The following USP34 variants were observed in gnomAD, a reference collection of about 807,000 sequenced individuals.
USP34 encodes ubiquitin specific peptidase 34.
A neutral mutation model predicts 460.3 loss-of-function variants in USP34; 70 were observed. That is an observed-to-expected ratio of 0.15 (90% CI 0.13 to 0.19). The LOEUF (loss-of-function observed/expected upper bound fraction) is 0.19. Ranked by LOEUF, USP34 falls within the 10% of genes least tolerant of loss-of-function variation. The pLI is 1.00. For missense variants in USP34, 3,985 were observed against 4,236.2 expected, an observed-to-expected ratio of 0.94 and a Z score of 1.65; for synonymous variants, 1,647 against 1,405.3, an observed-to-expected ratio of 1.17 and a Z score of -3.85.
intron 2 of USP34, among the ~76,000 whole-genome samples, chr2:61,417,699 T>A (rs895617689): frequency 6.7e-6 from 1 of 149,734 alleles, no homozygotes; most frequent in Non-Finnish European, 1.5e-5. Flanking sequence ...AGAAAAAATA[T>A]ATATATAAAA....
chr2:61,193,539 CAG>C (rs1324420960), intron 75 of USP34, among the ~76,000 whole-genome samples: 2 of 152,072 alleles, frequency 1.3e-5, no homozygotes, highest in Non-Finnish European at 2.9e-5. Context: ...GGCACTATGT[CAG>C]AGAGTGCTAT....
At chr2:61,212,252 TCAA>T (rs1474858869) in intron 68 of USP34, among the ~76,000 whole-genome samples, 1 of 152,052 alleles carries the variant, frequency 6.6e-6, no homozygotes, top group African/African-American at 2.4e-5. Context: ...CTAAAAGAAC[TCAA>T]CAAATCTTAA....
chr2:61,448,972 T>C (rs1262944401), intron 1 of USP34, among the ~76,000 whole-genome samples: 1 of 151,970 alleles, frequency 6.6e-6, no homozygotes, highest in Non-Finnish European at 1.5e-5. Context: ...CTGGCCAACA[T>C]GGAAAAACCT....
At chr2:61,276,415 ATTT>A (rs1689374117) in intron 41 of USP34, among the ~76,000 whole-genome samples, 2 of 152,070 alleles carry the variant, frequency 1.3e-5, no homozygotes, top group South Asian at 4.1e-4. Context: ...TAATGTACTC[ATTT>A]TTTAGTGAAA....
At chr2:61,235,332 T>C (rs1164374660) in intron 57 of USP34, among the ~76,000 whole-genome samples, 33 of 147,450 alleles carry the variant, frequency 2.2e-4, no homozygotes, top group African/African-American at 8.2e-4. Context: ...TTTTTTCTTT[T>C]TTTTTTTTTT....
At chr2:61,280,491 C>G in intron 38 of USP34, 143 bp from the exon 39 acceptor site, 1 of 399,370 alleles carries the variant, frequency 2.5e-6, no homozygotes, top group East Asian at 4.1e-5. Context: ...GGAGTACACG[C>G]TTAGTTTCTG....
chr2:61,459,600 C>A (rs1411051838), intron 1 of USP34, among the ~76,000 whole-genome samples: 1 of 151,938 alleles, frequency 6.6e-6, no homozygotes, highest in Non-Finnish European at 1.5e-5. Context: ...CACGGTGAAA[C>A]CCCGTCTCTA....
chr2:61,288,868 C>A lies in USP34; in HGVS notation c.4558G>T (p.Asp1520Tyr), dbSNP rs1283244890. The change falls in exon 34 of 80, where the codon GAC becomes TAC. Residue 1520 changes from aspartate (D) to tyrosine (Y), a missense_variant. Asp to Tyr is a radical substitution (Grantham distance 160). Transcript: ENST00000398571. ...EQESWTVWQL[D>Y]CLACLLKLIC... Reference sequence around the variant, plus strand: ...AACTTCAGCAAGCAAGCAAGACAGTCTAGCTGCCACTGTAAATGAGAAGAA... The same window carrying A: ...AACTTCAGCAAGCAAGCAAGACAGTATAGCTGCCACTGTAAATGAGAAGAA... The A allele has an allele frequency of 1.2e-6, 2 of 1,612,522 alleles. No individual in the cohort carries two copies. Among genetic ancestry groups the A allele is most frequent in the Non-Finnish European group, 8.5e-7 (1 of 1,179,860 alleles).
chr2:61,218,674 G>C (rs982943175), intron 67 of USP34, among the ~76,000 whole-genome samples: 2 of 151,468 alleles, frequency 1.3e-5, no homozygotes, highest in Non-Finnish European at 2.9e-5. Flanking sequence ...GATTTTCCTT[G>C]TTTCTAATGA....
At chr2:61,312,803 CA>C (rs1690634975) in intron 25 of USP34, among the ~76,000 whole-genome samples, 2 of 152,172 alleles carry the variant, frequency 1.3e-5, no homozygotes, top group African/African-American at 4.8e-5. Context: ...ATACCAATAA[CA>C]TGCTCTCTTG....
chr2:61,316,785 C>G (rs1371017763), intron 23 of USP34, among the ~76,000 whole-genome samples: 1 of 151,722 alleles, frequency 6.6e-6, no homozygotes, highest in Non-Finnish European at 1.5e-5. Flanking sequence ...CTTCGGGAAG[C>G]TGAGGCATGA....
chr2:61,353,065 G>A (rs192572604), intron 10 of USP34, among the ~76,000 whole-genome samples: 34 of 152,250 alleles, frequency 2.2e-4, no homozygotes, highest in Non-Finnish European at 1.8e-4. Flanking sequence ...TTTCTGACAC[G>A]CACACTCCCA....
At chr2:61,324,955 G>C (rs115173467) in intron 21 of USP34, among the ~76,000 whole-genome samples, 1 of 152,128 alleles carries the variant, frequency 6.6e-6, no homozygotes, top group Non-Finnish European at 1.5e-5. Context: ...CAACATAAAT[G>C]GAACTGAAGG....
intron 43 of USP34, among the ~76,000 whole-genome samples, chr2:61,262,088 C>CAAAAAAAAAAA (rs61651654): frequency 4.3e-5 from 2 of 46,826 alleles, no homozygotes; most frequent in African/African-American, 1.0e-4. Context: ...AAGACTTCGT[C>CAAAAAAAAAAA]AAAAAAAAAA....
At chr2:61,252,687 T>C (rs1362387065) in intron 48 of USP34, among the ~76,000 whole-genome samples, 1 of 152,186 alleles carries the variant, frequency 6.6e-6, no homozygotes, top group Non-Finnish European at 1.5e-5. Flanking sequence ...TTTAGATTAT[T>C]TGGGAGACTG....
In USP34 at chr2:61,319,261, T is replaced by A; in HGVS notation, c.3080A>T (p.Asp1027Val). The A allele has an allele frequency of 6.3e-7, 1 of 1,596,596 alleles. No homozygotes were observed. Among genetic ancestry groups the A allele is most frequent in the African/African-American group, 1.3e-5 (1 of 74,314 alleles). Residue 1027 changes from aspartate to valine, a missense_variant, in exon 22 of 80, where the codon GAT becomes GTT. Asp to Val is a radical substitution (Grantham distance 152). Coordinates refer to ENST00000398571, the MANE Select transcript of USP34 (RefSeq NM_014709.4). ...CLVEDSECYD[D>V]ALHWFLNQVR... ...TTGATTTAAAAACCAATGGAGTGCA[T>A]CATCATAACATTCAGAATCTTCTAC...
At chr2:61,415,257 C>G (rs1406573503) in intron 2 of USP34, among the ~76,000 whole-genome samples, 2 of 151,808 alleles carry the variant, frequency 1.3e-5, no homozygotes, top group African/African-American at 2.4e-5. Context: ...AGGGTTATGA[C>G]CAGGGGTGGG....
intron 32 of USP34, 132 bp from the exon 33 acceptor site, chr2:61,293,682 A>G: frequency 6.6e-6 from 4 of 610,328 alleles, no homozygotes; most frequent in Non-Finnish European, 1.1e-5. Context: ...TAAATTACCA[A>G]AATAATTTCT....
intron 54 of USP34, 34 bp from the exon 55 acceptor site, chr2:61,236,270 C>G (rs778409024): frequency 1.9e-6 from 3 of 1,594,500 alleles, no homozygotes; most frequent in Non-Finnish European, 2.6e-6. Flanking sequence ...AAAATTCACA[C>G]GTAAGATTTT....
Sources: gnomAD v4.1 joint callset for allele counts (sites outside exome capture counted in the v4.1 genomes callset) on GRCh38, gnomAD v4.1.1 for gene constraint, MANE v1.5 for transcripts, NCBI Gene and HGNC (gene_info 2026-07-23, HGNC 2026-07-21) for gene names.